Variants in CLCA1 observed in about 807,000 individuals in gnomAD.
CLCA1 encodes the protein chloride channel accessory 1, also known as calcium-activated chloride channel regulator 1.
In CLCA1, 59 loss-of-function variants were observed where a neutral mutation model predicts 85.6. The ratio of observed to expected loss-of-function variants is 0.69; its 90% CI spans 0.56 to 0.86. The LOEUF (loss-of-function observed/expected upper bound fraction) is 0.86, where lower values mean the gene tolerates loss of function less well. CLCA1 is among the 40% of genes least tolerant of loss of function. The pLI is 0.00. For synonymous variants in CLCA1, 396 were observed against 398.3 expected, an observed-to-expected ratio of 0.99 and a Z score of 0.07; for missense variants, 1,022 against 1,101.4, an observed-to-expected ratio of 0.93 and a Z score of 1.02.
chr1:86,493,437 G>A lies in CLCA1; in HGVS notation c.1518G>A (p.Val506=). The change falls in exon 10 of 14, where the codon GTG becomes GTA. Residue 506 remains valine, a synonymous_variant. Transcript: ENST00000394711. ...ACAGCCAGTGGATGAATGGCACAGT[G>A]ATCGTGGACAGCACCGTGGGAAAGG... ...LQNSQWMNGT[V]IVDSTVGKDT... The A allele has an allele frequency of 6.2e-7, 1 of 1,614,116 alleles. No homozygotes were observed. The highest frequency in any genetic ancestry group is 1.1e-5 in the South Asian group (1 of 91,080).
At chr1:86,471,134 T>G (rs1286795357) in intron 1 of CLCA1, among the ~76,000 whole-genome samples, 4 of 151,958 alleles carry the variant, frequency 2.6e-5, no homozygotes, top group Non-Finnish European at 5.9e-5. Flanking sequence ...CACGCAGACA[T>G]ACACGCACAC....
Position 86,498,658 on chromosome 1 carries a change from G to T in CLCA1, c.2200G>T (p.Gly734Ter), listed in dbSNP as rs1450558291. 1 of 1,613,812 alleles carries T rather than the reference G, an allele frequency of 6.2e-7. No homozygotes were observed. The highest frequency in any genetic ancestry group is 8.5e-7 in the Non-Finnish European group (1 of 1,180,008). ...AGTGTGTTTCAGCAGAACATCCTCGGGAGGCTCATTTGTGGCTTCTGATGT... is the reference window on the plus strand; with the variant it reads ...AGTGTGTTTCAGCAGAACATCCTCGTGAGGCTCATTTGTGGCTTCTGATGT... The part of the protein sequence containing the change: ...KQVCFSRTSS[G>*]GSFVASDVPN... The change falls in exon 13 of 14, where the codon GGA (glycine) becomes TGA (stop). Residue 734 changes from glycine to a stop codon, truncating the protein, a stop_gained. Coordinates refer to ENST00000394711, the MANE Select transcript of CLCA1 (RefSeq NM_001285.4). LOFTEE classifies it high-confidence loss of function.
intron 4 of CLCA1, 28 bp downstream of exon 4, chr1:86,476,581 C>T (rs1570280551): frequency 8.6e-7 from 1 of 1,168,152 alleles, no homozygotes; most frequent in East Asian, 2.4e-5. Context: ...TAACTTGTTC[C>T]AAACTATTTT....
At chr1:86,499,525 C>A (rs1648394840) in intron 13 of CLCA1, 129 bp from the exon 14 acceptor site, 1 of 617,392 alleles carries the variant, frequency 1.6e-6, no homozygotes, top group African/African-American at 1.8e-5. Flanking sequence ...TATTTGGGAA[C>A]CTTATGGGGT....
chr1:86,476,603 T>C, intron 4 of CLCA1, 50 bp downstream of exon 4: 1 of 896,366 alleles, frequency 1.1e-6, no homozygotes, highest in Non-Finnish European at 1.8e-6. Context: ...AATTGCAACC[T>C]TTTTTTCTTG....
At chr1:86,474,368 C>A (rs1175258466) in intron 3 of CLCA1, among the ~76,000 whole-genome samples, 3 of 152,120 alleles carry the variant, frequency 2.0e-5, no homozygotes, top group Admixed American at 6.5e-5. Context: ...TCCTGGCTAA[C>A]ACAGTGAAAC....
At chr1:86,473,643 G>A in intron 2 of CLCA1, 86 bp downstream of exon 2, 1 of 1,498,478 alleles carries the variant, frequency 6.7e-7, no homozygotes, top group Non-Finnish European at 9.1e-7. Flanking sequence ...AATCAAATGT[G>A]ATTGTTTGAA....
chr1:86,498,572 A>G lies in CLCA1; in HGVS notation c.2114A>G (p.Asp705Gly). Residue 705 changes from aspartate to glycine, a missense_variant and splice_region_variant, in exon 13 of 14, where the codon GAT (aspartate) becomes GGT (glycine). Coordinates refer to ENST00000394711, the MANE Select transcript of CLCA1 (RefSeq NM_001285.4). ...ALYIPGWIEN[D>G]EIQWNPPRPE... is the part of the protein sequence containing the mutation. The stretch of plus-strand genomic sequence containing the variant: ...TATTTTGAGTATTTTTTTAATGCAG[A>G]TGAAATACAATGGAATCCACCAAGA... 6.2e-7 allele frequency: 1 copy of G among 1,612,000 alleles called. No homozygotes were observed. Among genetic ancestry groups the G allele is most frequent in the Non-Finnish European group, 8.5e-7 (1 of 1,178,352 alleles).
chr1:86,473,694 C>T (rs1647562273), intron 2 of CLCA1, 35 bp from the exon 3 acceptor site: 2 of 1,547,712 alleles, frequency 1.3e-6, no homozygotes, highest in African/African-American at 1.4e-5. Context: ...TTTGCTGAAA[C>T]TTTGTGATGA....
At chr1:86,471,444 G>C (rs2101726309) in intron 1 of CLCA1, among the ~76,000 whole-genome samples, 1 of 152,236 alleles carries the variant, frequency 6.6e-6, no homozygotes, top group African/African-American at 2.4e-5. Context: ...ATTAGGATAT[G>C]AGGTCATTTT....
chr1:86,489,198 G>C (rs1212585045), intron 8 of CLCA1, 28 bp downstream of exon 8: 23 of 1,601,922 alleles, frequency 1.4e-5, no homozygotes, highest in East Asian at 6.7e-5. Context: ...GAGACCCCCG[G>C]TATTGTCTCT....
At chr1:86,496,615 C>T (rs1648294910) in intron 12 of CLCA1, among the ~76,000 whole-genome samples, 1 of 152,186 alleles carries the variant, frequency 6.6e-6, no homozygotes, top group African/African-American at 2.4e-5. Flanking sequence ...AGAAGAGCTC[C>T]TTTGAGAACC....
intron 1 of CLCA1, 43 bp downstream of exon 1, chr1:86,469,176 A>G (rs763948147): frequency 6.9e-7 from 1 of 1,456,410 alleles, no homozygotes; most frequent in South Asian, 1.4e-5. Context: ...AAAATAGCAT[A>G]ATGTTGTGAT....
intron 1 of CLCA1, among the ~76,000 whole-genome samples, chr1:86,469,998 A>G (rs1318908220): frequency 6.6e-6 from 1 of 152,222 alleles, no homozygotes; most frequent in Non-Finnish European, 1.5e-5. Context: ...CTGTTCATCT[A>G]AATTTATCTC....
Position 86,499,740 on chromosome 1 carries a change from C to G in CLCA1, c.2440C>G (p.Leu814Val), listed in dbSNP as rs1007339655. 2 of 1,610,716 alleles carry G rather than the reference C, an allele frequency of 1.2e-6. No homozygotes were observed. The highest frequency in any genetic ancestry group is 1.7e-6 in the Non-Finnish European group (2 of 1,176,988). The change falls in exon 14 of 14, where the codon CTC becomes GTC. Residue 814 changes from leucine to valine, a missense_variant. By Grantham distance (32) the Leu-to-Val change is conservative (BLOSUM62 1). Coordinates refer to ENST00000394711, the MANE Select transcript of CLCA1 (RefSeq NM_001285.4). ...NESLQVNTTALIPKEANSEEV... is the reference protein window; with the variant it reads ...NESLQVNTTAVIPKEANSEEV... ...ATCTCTTCAAGTGAATACTACTGCT[C>G]TCATCCCAAAGGAAGCCAACTCTGA...
Position 86,469,117 on chromosome 1 carries a change from T to C in CLCA1, c.146T>C (p.Leu49Pro). The change falls in exon 1 of 14, where the codon CTC becomes CCC. Residue 49 changes from leucine (L) to proline (P), a missense_variant. Physicochemically the swap from Leu to Pro is moderately conservative, Grantham distance 98. Coordinates refer to ENST00000394711, the MANE Select transcript of CLCA1 (RefSeq NM_001285.4). ...IDPNVPEDET[L>P]IQQIKDMVTQ... ...CCCAATGTGCCAGAAGATGAAACAC[T>C]CATTCAACAAATAAAGGTAAGTTCA... is the stretch of plus-strand genomic sequence containing the variant. 2 of 1,604,428 alleles carry C rather than the reference T, an allele frequency of 1.2e-6. No individual in the cohort carries two copies. Among genetic ancestry groups the C allele is most frequent in the Non-Finnish European group, 1.7e-6 (2 of 1,174,488 alleles).
At chr1:86,470,810 C>T (rs1647479904) in intron 1 of CLCA1, among the ~76,000 whole-genome samples, 1 of 152,188 alleles carries the variant, frequency 6.6e-6, no homozygotes, top group Non-Finnish European at 1.5e-5. Context: ...CCCAACCATT[C>T]CTCCCTCTAC....
In CLCA1 at chr1:86,486,573, G is replaced by A. The variant is rs1647981785; in HGVS notation, c.1002G>A (p.Leu334=). ...TGAATCAAGCAGGCCAGCTTTTCCT[G>A]CTGCAGACAGTTGAGCTGGGGTCCT... The part of the protein sequence containing the change: ...NRLNQAGQLF[L]LQTVELGSWV... The change falls in exon 7 of 14, where the codon CTG becomes CTA. Residue 334 remains leucine (L), a synonymous_variant. Transcript: ENST00000394711. 1 of 1,613,980 alleles carries A rather than the reference G, an allele frequency of 6.2e-7. No homozygotes were observed. Among genetic ancestry groups the A allele is most frequent in the African/African-American group, 1.3e-5 (1 of 74,882 alleles).
At position 86,491,331 on chromosome 1, in the gene CLCA1, T is replaced by C; in HGVS notation, c.1424T>C (p.Leu475Pro). 2 of 1,613,572 alleles carry C rather than the reference T, an allele frequency of 1.2e-6. No homozygotes were observed. The highest frequency in any genetic ancestry group is 1.7e-6 in the Non-Finnish European group (2 of 1,179,628). The stretch of plus-strand genomic sequence containing the variant: ...GGCCTCATTGATGCTTTTGGGGCCC[T>C]TTCATCAGGAAATGGAGCTGTCTCT... ...NNGLIDAFGA[L>P]SSGNGAVSQR... The change falls in exon 9 of 14, where the codon CTT (leucine) becomes CCT (proline). Residue 475 changes from leucine to proline, a missense_variant. Physicochemically the swap from Leu to Pro is moderately conservative, Grantham distance 98 (BLOSUM62 -3). Transcript: ENST00000394711.
Sources: allele counts gnomAD v4.1 joint callset (sites outside exome capture counted in the v4.1 genomes callset), GRCh38; gene constraint gnomAD v4.1.1; transcripts MANE v1.5; gene names NCBI Gene and HGNC (gene_info 2026-07-23, HGNC 2026-07-21).